The following HGD variants were observed in gnomAD, a reference collection of about 807,000 sequenced individuals.
HGD encodes homogentisate 1,2-dioxygenase, also known as homogentisate oxidase.
A neutral mutation model predicts 60.8 loss-of-function variants in HGD; 61 were observed. The observed-to-expected ratio is 1.00, with a 90% CI of 0.82 to 1.24. HGD has a LOEUF of 1.24. HGD is among the 50% of genes most tolerant of loss of function. The probability of loss-of-function intolerance (pLI) is 0.00; values close to 1 mark genes in which losing one functional copy is unlikely to be tolerated. For synonymous variants in HGD, 212 were observed against 187.7 expected (o/e 1.13, Z -1.06); for missense variants, 542 against 547.1 (o/e 0.99, Z 0.09).
chr3:120,650,631 A>C (rs2107518418), intron 6 of HGD, 143 bp downstream of exon 6: 1 of 721,476 alleles, frequency 1.4e-6, no homozygotes, highest in East Asian at 2.6e-5. Flanking sequence ...ATATATATGA[A>C]TATTGCCTTG....
intron 3 of HGD, among the ~76,000 whole-genome samples, chr3:120,672,025 G>T (rs1708035712): frequency 6.6e-6 from 1 of 152,050 alleles, no homozygotes; most frequent in African/African-American, 2.4e-5. Context: ...TTAAAAAAAT[G>T]GCTAATGTAT....
intron 4 of HGD, among the ~76,000 whole-genome samples, chr3:120,658,512 C>G (rs1003395200): frequency 1.3e-5 from 2 of 152,218 alleles, no homozygotes; most frequent in Non-Finnish European, 2.9e-5. Flanking sequence ...GCACCTGCGG[C>G]TGCTCTCATG....
chr3:120,667,618 C>T (rs1348702968), intron 4 of HGD, among the ~76,000 whole-genome samples: 1 of 151,932 alleles, frequency 6.6e-6, no homozygotes, highest in East Asian at 1.9e-4. Context: ...AGAAGTATGG[C>T]TCCACTGTTG....
intron 3 of HGD, among the ~76,000 whole-genome samples, chr3:120,672,285 C>T (rs34722530): frequency 6.6e-6 from 1 of 152,052 alleles, no homozygotes; most frequent in Non-Finnish European, 1.5e-5. Context: ...AGGACCAGAT[C>T]TCAGGCTTCA....
chr3:120,670,384 G>A (rs748206447), intron 4 of HGD, 43 bp downstream of exon 4: 8 of 948,346 alleles, frequency 8.4e-6, no homozygotes, highest in Non-Finnish European at 1.4e-5. Flanking sequence ...TCTAGTCAAG[G>A]CTTTGGGTAT....
rs144818755 is a variant in HGD, at chr3:120,651,856, C to T, written c.342+736G>A. The stretch of plus-strand genomic sequence containing the variant: ...AACTAGAGTTGCCATGTTGAATTGA[C>T]GCCATTCTAGCCCAAGCATCTACTT... On this transcript the variant is annotated intron_variant, in intron 5 of 13. Transcript: ENST00000283871. Among the ~76,000 whole-genome samples the T allele has an allele frequency of 6.6e-5, 10 of 152,302 alleles. No homozygotes were observed. The East Asian group carries it at 9.6e-4, about 15-fold the overall frequency.
At chr3:120,651,065 T>C (rs995024412) in intron 5 of HGD, among the ~76,000 whole-genome samples, 200 bp from the exon 6 acceptor site, 2 of 152,234 alleles carry the variant, frequency 1.3e-5, no homozygotes, top group African/African-American at 4.8e-5. Context: ...TTTACCCTAG[T>C]CTCCAGCCAT....
Position 120,628,308 on chromosome 3 carries a change from C to T in HGD, c.*72G>A, listed in dbSNP as rs1243171063. 6.5e-7 allele frequency: 1 copy of T among 1,528,694 alleles called. No homozygotes were observed. Among genetic ancestry groups the T allele is most frequent in the Non-Finnish European group, 9.1e-7 (1 of 1,103,844 alleles). The allele number at this position is 1,528,694 out of a possible 1,614,324, so 94.7% of individuals were successfully genotyped here. ...TTTTAACCAACCCCCTCCTCCAATA[C>T]TACCAGAAAGCATGAGATTCTGAAG... On this transcript the variant is annotated 3_prime_UTR_variant, in exon 14 of 14. Transcript: ENST00000283871.
chr3:120,643,504 G>A (rs1239898069), intron 10 of HGD, among the ~76,000 whole-genome samples: 1 of 152,190 alleles, frequency 6.6e-6, no homozygotes, highest in Non-Finnish European at 1.5e-5. Flanking sequence ...TTGACCCAGA[G>A]AATAAGAGAA....
At chr3:120,644,562 A>G (rs1238441546) in intron 9 of HGD, 119 bp from the exon 10 acceptor site, 1 of 1,568,428 alleles carries the variant, frequency 6.4e-7, no homozygotes, top group African/African-American at 1.3e-5. Flanking sequence ...AATTGCTTTC[A>G]TTGCTCAAAG....
At chr3:120,644,923 C>T (rs372896590) in intron 9 of HGD, among the ~76,000 whole-genome samples, 22 of 152,150 alleles carry the variant, frequency 1.4e-4, no homozygotes, top group Non-Finnish European at 2.5e-4. Context: ...AGTCTGAAAA[C>T]GGTTCTCCAG....
At chr3:120,660,636 C>T (rs1941633215) in intron 4 of HGD, among the ~76,000 whole-genome samples, 1 of 152,120 alleles carries the variant, frequency 6.6e-6, no homozygotes, top group African/African-American at 2.4e-5. Flanking sequence ...ACCAGCCTGG[C>T]CAACATGGTG....
chr3:120,640,246 G>A (rs1252259946), intron 11 of HGD, among the ~76,000 whole-genome samples: 1 of 138,148 alleles, frequency 7.2e-6, no homozygotes, highest in Non-Finnish European at 1.6e-5. Context: ...GGGGGAAAAA[G>A]GGAGGGAGGG....
intron 11 of HGD, among the ~76,000 whole-genome samples, chr3:120,640,998 T>C (rs563242462): frequency 8.5e-5 from 13 of 152,330 alleles, no homozygotes; most frequent in East Asian, 1.9e-4. Context: ...CTTGGGAGCC[T>C]GCACTGTAGA....
chr3:120,652,571 G>A (rs1248033632), intron 5 of HGD, 21 bp downstream of exon 5: 4 of 1,579,262 alleles, frequency 2.5e-6, no homozygotes, highest in Admixed American at 1.7e-5. Context: ...AGTAGGGAGG[G>A]TGTGGATGGG....
chr3:120,675,162 A>C (rs1708102045), intron 2 of HGD, among the ~76,000 whole-genome samples, 173 bp from the exon 3 acceptor site: 1 of 152,146 alleles, frequency 6.6e-6, no homozygotes, highest in Non-Finnish European at 1.5e-5. Flanking sequence ...CGATTATAAA[A>C]GTAATATATA....
chr3:120,666,606 C>T (rs1022493839), intron 4 of HGD, among the ~76,000 whole-genome samples: 1 of 152,098 alleles, frequency 6.6e-6, no homozygotes, highest in Non-Finnish European at 1.5e-5. Flanking sequence ...CCTCAGCCTC[C>T]CGAGTAGTTG....
intron 3 of HGD, among the ~76,000 whole-genome samples, chr3:120,673,159 T>G (rs978099185): frequency 1.3e-5 from 2 of 152,168 alleles, no homozygotes; most frequent in African/African-American, 4.8e-5. Context: ...AGAGTTCTTC[T>G]AAATAGATGG....
chr3:120,633,959 G>A (rs1480773116), intron 12 of HGD, among the ~76,000 whole-genome samples: 1 of 152,092 alleles, frequency 6.6e-6, no homozygotes, highest in African/African-American at 2.4e-5. Flanking sequence ...AGATGAATCT[G>A]TTATCCTCTT....
Sources: allele counts gnomAD v4.1 joint callset (sites outside exome capture counted in the v4.1 genomes callset), GRCh38; gene constraint gnomAD v4.1.1; transcripts MANE v1.5; gene names NCBI Gene and HGNC (gene_info 2026-07-23, HGNC 2026-07-21).